ATP11A: variants seen among roughly 807,000 people sequenced by gnomAD.
The protein encoded by ATP11A is phospholipid-transporting ATPase IH.
In ATP11A, 81 loss-of-function variants were observed where a neutral mutation model predicts 154.4. That is an observed-to-expected ratio of 0.52 (90% CI 0.44 to 0.63). The LOEUF (loss-of-function observed/expected upper bound fraction) is 0.63, where lower values mean the gene tolerates loss of function less well. ATP11A is among the 30% of genes least tolerant of loss of function. The pLI is 0.00. For missense variants in ATP11A, 1,316 were observed against 1,474.3 expected (o/e 0.89, Z 1.76); for synonymous variants, 623 against 585.9 (o/e 1.06, Z -0.91).
At chr13:112,779,766 G>A (rs754481615) in intron 1 of ATP11A, among the ~76,000 whole-genome samples, 2 of 152,138 alleles carry the variant, frequency 1.3e-5, no homozygotes, top group Non-Finnish European at 2.9e-5. Context: ...TTAGCTGGAC[G>A]TGGTGGCGCT....
intron 1 of ATP11A, among the ~76,000 whole-genome samples, chr13:112,727,112 A>G (rs1016005638): frequency 1.1e-4 from 17 of 152,208 alleles, no homozygotes; most frequent in African/African-American, 3.6e-4. Flanking sequence ...CAGCAGCACA[A>G]TCTGGGCTCA....
intron 25 of ATP11A, among the ~76,000 whole-genome samples, chr13:112,865,553 TTTG>T (rs749854208): frequency 7.9e-5 from 12 of 152,328 alleles, no homozygotes; most frequent in Non-Finnish European, 1.2e-4. Context: ...TTTTTGTTTT[TTTG>T]TTGTTGTTGT....
chr13:112,869,434 T>C (rs6577016), intron 25 of ATP11A, among the ~76,000 whole-genome samples: 140,944 of 152,326 alleles, frequency 0.93, 65,819 homozygotes, highest in Non-Finnish European at 0.99. Flanking sequence ...AGAAAGGCAG[T>C]TTCTCGGCTC....
At chr13:112,762,491 C>T (rs1229824432) in intron 1 of ATP11A, among the ~76,000 whole-genome samples, 1 of 152,090 alleles carries the variant, frequency 6.6e-6, no homozygotes, top group East Asian at 1.9e-4. Flanking sequence ...CAGGAGGTGT[C>T]TTCAGTCCCG....
At chr13:112,816,943 C>T (rs913390905) in intron 6 of ATP11A, among the ~76,000 whole-genome samples, 1 of 152,178 alleles carries the variant, frequency 6.6e-6, no homozygotes, top group Non-Finnish European at 1.5e-5. Context: ...AAGTCACACA[C>T]GATTCTAGAT....
In ATP11A at chr13:112,815,534, C is replaced by A. The variant is rs150002589; in HGVS notation, c.442-549C>A. Among the ~76,000 whole-genome samples, 133 of 152,376 alleles carry A rather than the reference C, an allele frequency of 8.7e-4. 2 individuals carry two copies. The East Asian group carries it at 0.02, about 23-fold the overall frequency. The stretch of plus-strand genomic sequence containing the variant: ...ACAGCCCAGGCCACTGAGATGCCTT[C>A]CTCACTGATGAAATAAAATGGATAC... On this transcript the variant is annotated intron_variant, in intron 5 of 29. Transcript: ENST00000375645.
At chr13:112,836,094 C>G in intron 15 of ATP11A, 84 bp from the exon 16 acceptor site, 1 of 999,618 alleles carries the variant, frequency 1.0e-6, no homozygotes, top group East Asian at 2.4e-5. Context: ...CCCAGCCATT[C>G]TGCTGTGGAG....
intron 20 of ATP11A, chr13:112,856,785 T>C (rs2079939792): frequency 6.6e-6 from 1 of 152,218 alleles, no homozygotes; most frequent in African/African-American, 2.4e-5. Context: ...CATGAATAAA[T>C]CCATCATTGG....
At chr13:112,713,178 C>G (rs1887961308) in intron 1 of ATP11A, among the ~76,000 whole-genome samples, 3 of 152,252 alleles carry the variant, frequency 2.0e-5, no homozygotes, top group Middle Eastern at 6.8e-3. Context: ...AGGCGGATCA[C>G]AAGGTCAGGA....
intron 1 of ATP11A, among the ~76,000 whole-genome samples, chr13:112,755,242 C>T (rs1459143761): frequency 1.3e-5 from 2 of 152,108 alleles, no homozygotes; most frequent in Admixed American, 6.5e-5. Flanking sequence ...GGACTGGGGG[C>T]GGGTCTGTGG....
At chr13:112,756,695 A>T (rs187859738) in intron 1 of ATP11A, among the ~76,000 whole-genome samples, 1,706 of 151,034 alleles carry the variant, frequency 0.011, 24 homozygotes, top group African/African-American at 0.041. Flanking sequence ...GGCTTCCCAG[A>T]TGCCTCTTTG....
At chr13:112,819,749 C>T (rs116965948) in intron 7 of ATP11A, 151 bp from the exon 8 acceptor site, 8,140 of 757,108 alleles carry the variant, frequency 0.011, 194 homozygotes, top group East Asian at 0.065. Context: ...GAAAGTACGA[C>T]AAGGGAAGGG....
chr13:112,731,005 T>C (rs981543322), intron 1 of ATP11A, among the ~76,000 whole-genome samples: 13 of 152,148 alleles, frequency 8.5e-5, no homozygotes, highest in African/African-American at 3.1e-4. Flanking sequence ...GCGCGATCTC[T>C]GCTCATTTGA....
intron 3 of ATP11A, 43 bp from the exon 4 acceptor site, chr13:112,806,170 T>G: frequency 2.7e-6 from 4 of 1,483,990 alleles, no homozygotes; most frequent in South Asian, 1.1e-5. Flanking sequence ...AAGTCACTCA[T>G]TTGTGTTTTT....
intron 17 of ATP11A, among the ~76,000 whole-genome samples, chr13:112,848,037 G>A (rs74648219): frequency 0.016 from 2,493 of 152,290 alleles, 68 homozygotes; most frequent in East Asian, 0.067. Flanking sequence ...GCAGTAGTGA[G>A]CCGTGATGGC....
intron 2 of ATP11A, among the ~76,000 whole-genome samples, chr13:112,797,128 A>T (rs577993860): frequency 5.9e-5 from 9 of 151,616 alleles, no homozygotes; most frequent in Admixed American, 5.3e-4. Flanking sequence ...ATTTTTTTTA[A>T]AAAAATTAGC....
At chr13:112,880,101 G>T (rs1445286237) in intron 29 of ATP11A, among the ~76,000 whole-genome samples, 5 of 152,188 alleles carry the variant, frequency 3.3e-5, no homozygotes, top group Admixed American at 2.6e-4. Flanking sequence ...TGGGCTACAA[G>T]ATCTCAGTGG....
intron 1 of ATP11A, among the ~76,000 whole-genome samples, chr13:112,709,824 T>C (rs1244548064): frequency 2.0e-5 from 3 of 152,276 alleles, no homozygotes; most frequent in African/African-American, 7.2e-5. Flanking sequence ...GCCACTCATA[T>C]TTGGCTCAGA....
In ATP11A at chr13:112,816,152, C is replaced by T. The variant is rs771692772; in HGVS notation, c.511C>T (p.Arg171Trp). ...CGACTTGATCTTCCTTTCCAGCAAC[C>T]GGGGAGATGGGACGTGCCACGTCAC... ...PCDLIFLSSNRGDGTCHVTTA... is the reference protein window; with the variant it reads ...PCDLIFLSSNWGDGTCHVTTA... Residue 171 changes from arginine (R) to tryptophan (W), a missense_variant, in exon 6 of 30, where the codon CGG becomes TGG. Transcript: ENST00000375645. 51 of 1,614,032 alleles carry T rather than the reference C, an allele frequency of 3.2e-5. No homozygotes were observed. Among genetic ancestry groups the T allele is most frequent in the Non-Finnish European group, 4.0e-5 (47 of 1,180,040 alleles).
Sources: allele counts gnomAD v4.1 joint callset (sites outside exome capture counted in the v4.1 genomes callset), GRCh38; gene constraint gnomAD v4.1.1; transcripts MANE v1.5; gene names NCBI Gene and HGNC (gene_info 2026-07-23, HGNC 2026-07-21).